The following SCML2 variants were observed in gnomAD, a reference collection of about 807,000 sequenced individuals.
SCML2 encodes the protein sex comb on midleg-like protein 2.
SCML2 carries 6 observed loss-of-function variants against 48.4 expected under a neutral mutation model. The ratio of observed to expected loss-of-function variants is 0.12; its 90% CI spans 0.07 to 0.24. The LOEUF is 0.24. Among genes scored for constraint, SCML2 ranks in the 10% least tolerant of loss-of-function variants. The pLI is 1.00. For synonymous variants in SCML2, 181 were observed against 189.5 expected, an observed-to-expected ratio of 0.95 and a Z score of 0.37; for missense variants, 377 against 528.2, an observed-to-expected ratio of 0.71 and a Z score of 2.81.
intron 7 of SCML2, among the ~76,000 whole-genome samples, chrX:18,283,822 G>T (rs182217318): frequency 5.9e-4 from 66 of 112,266 alleles, no homozygotes; most frequent in Admixed American, 1.5e-3. Context: ...CATACTCATG[G>T]ATTGGAAGAC....
chrX:18,264,806 C>T (rs1263500192), intron 8 of SCML2, among the ~76,000 whole-genome samples: 1 of 111,388 alleles, frequency 9.0e-6, no homozygotes, highest in African/African-American at 3.3e-5. Flanking sequence ...GCTTTAGCTA[C>T]ACCGGCCTGT....
chrX:18,257,947 A>G (rs1926912913), intron 10 of SCML2, 97 bp downstream of exon 10: 2 of 463,715 alleles, frequency 4.3e-6, no homozygotes, highest in Non-Finnish European at 7.2e-6. Flanking sequence ...GGGAAAGGGG[A>G]AGGGGAGAGG....
chrX:18,273,772 C>T (rs1484589490), intron 7 of SCML2, among the ~76,000 whole-genome samples: 2 of 110,861 alleles, frequency 1.8e-5, no homozygotes, highest in African/African-American at 6.6e-5. Flanking sequence ...CCACCCATGG[C>T]CCCCCTTACC....
intron 6 of SCML2, among the ~76,000 whole-genome samples, chrX:18,310,260 CTTTTTTTTTT>C (rs773391164): frequency 8.0e-5 from 5 of 62,368 alleles, no homozygotes; most frequent in Non-Finnish European, 1.1e-4. Context: ...AACCACCTCC[CTTTTTTTTTT>C]TTTTTTTTTT....
rs147741706 is a variant in SCML2, at chrX:18,246,521, A to G, written c.1822+56T>C. On this transcript the variant is annotated intron_variant, in intron 13 of 14. Transcript: ENST00000251900. The stretch of plus-strand genomic sequence containing the variant: ...ATACTCTCAGGGGATGCTGTTAGGT[A>G]TGAAAATCTCAAGGCAAAAGACAAA... 3.8e-3 allele frequency: 4,264 copies of G among 1,132,045 alleles called. 89 individuals carry two copies. In the African/African-American group the frequency reaches 0.067, roughly 18 times the overall value. The allele number at this position is 1,132,045 out of a possible 1,213,427, so 93.3% of individuals were successfully genotyped here. A position where few individuals can be genotyped will look rare whatever the true frequency, so the allele number is the denominator to read the frequency against.
At chrX:18,309,615 C>T (rs907896803) in intron 6 of SCML2, among the ~76,000 whole-genome samples, 1 of 111,880 alleles carries the variant, frequency 8.9e-6, no homozygotes, top group African/African-American at 3.3e-5. Flanking sequence ...AGGACGAGAT[C>T]ATGTCCTCTG....
rs755124447 is a variant in SCML2 at position 18,302,345 on chromosome X, CT to C, written c.730+2626del. Among the ~76,000 whole-genome samples the C allele has an allele frequency of 6.1e-3, 678 of 111,055 alleles. 5 individuals carry two copies. Among genetic ancestry groups the C allele is most frequent in the African/African-American group, 0.021 (636 of 30,568 alleles). On this transcript the variant is annotated intron_variant, in intron 7 of 14. Coordinates refer to ENST00000251900, the MANE Select transcript of SCML2 (RefSeq NM_006089.3). ...CTCTCCTGTTGCCATGGAAGCCAAC[CT>C]AGTGATCTCCTACATTTACGTATAC... is the stretch of plus-strand genomic sequence containing the variant.
chrX:18,338,019 AAAG>A (rs1485530699), intron 1 of SCML2, among the ~76,000 whole-genome samples: 1 of 112,806 alleles, frequency 8.9e-6, no homozygotes, highest in Non-Finnish European at 1.9e-5. Context: ...TGCATGGGTC[AAAG>A]AAGAAAGCTC....
At position 18,327,379 on chromosome X, in the gene SCML2, C is replaced by CA. The variant is rs1453555336; in HGVS notation, c.92-2403dup. ...GGGGGAGACTCCGTCTCAACAACAACAACAAAAAAAGAACAAAACAAAACA... is the reference window on the plus strand; with the variant it reads ...GGGGGAGACTCCGTCTCAACAACAACAAACAAAAAAAGAACAAAACAAAACA... On this transcript the variant is annotated intron_variant, in intron 3 of 14. Coordinates refer to ENST00000251900, the MANE Select transcript of SCML2 (RefSeq NM_006089.3). Among the ~76,000 whole-genome samples the CA allele has an allele frequency of 7.8e-4, 86 of 110,966 alleles. 1 individual carries two copies. The highest frequency in any genetic ancestry group is 2.6e-3 in the African/African-American group (80 of 30,500).
chrX:18,265,848 A>C, intron 7 of SCML2, 46 bp from the exon 8 acceptor site: 1 of 941,688 alleles, frequency 1.1e-6, no homozygotes, highest in Non-Finnish European at 1.5e-6. Flanking sequence ...GACACAATTA[A>C]GGCATTGTCT....
At chrX:18,281,180 A>G (rs1253855863) in intron 7 of SCML2, among the ~76,000 whole-genome samples, 3 of 70,612 alleles carry the variant, frequency 4.2e-5, no homozygotes, top group African/African-American at 4.4e-5. Flanking sequence ...CAATAAAAAT[A>G]GAAATCACTA....
At chrX:18,338,759 CA>C (rs952125316) in intron 1 of SCML2, among the ~76,000 whole-genome samples, 1 of 107,851 alleles carries the variant, frequency 9.3e-6, no homozygotes, top group African/African-American at 3.4e-5. Context: ...CAAAAAAATA[CA>C]AAAATTAGCT....
chrX:18,265,561 A>T (rs1481217306), intron 8 of SCML2, 24 bp downstream of exon 8: 2 of 1,119,694 alleles, frequency 1.8e-6, no homozygotes, highest in South Asian at 3.8e-5. Context: ...CCTATAATAC[A>T]AATTAGGAGG....
At chrX:18,249,639 T>G (rs763748163) in intron 11 of SCML2, among the ~76,000 whole-genome samples, 1 of 111,615 alleles carries the variant, frequency 9.0e-6, no homozygotes, top group South Asian at 3.8e-4. Context: ...AAGGAAAAAC[T>G]GGGTATAAGA....
chrX:18,281,530 G>A (rs1162463335), intron 7 of SCML2, among the ~76,000 whole-genome samples: 3 of 110,115 alleles, frequency 2.7e-5, no homozygotes, highest in Non-Finnish European at 5.7e-5. Context: ...TGGCCAACAT[G>A]GCAAAACCCC....
chrX:18,275,062 C>G (rs975872008), intron 7 of SCML2, among the ~76,000 whole-genome samples: 2 of 111,900 alleles, frequency 1.8e-5, no homozygotes, highest in Admixed American at 9.5e-5. Context: ...CACCTTCGAG[C>G]TGTCCCACCT....
At chrX:18,334,887 G>A (rs1439401407) in intron 1 of SCML2, among the ~76,000 whole-genome samples, 1 of 112,077 alleles carries the variant, frequency 8.9e-6, no homozygotes, top group Non-Finnish European at 1.9e-5. Flanking sequence ...ATAACTGAAG[G>A]TAATCTGGCA....
At chrX:18,340,537 T>C (rs1340644962) in intron 1 of SCML2, among the ~76,000 whole-genome samples, 1 of 112,200 alleles carries the variant, frequency 8.9e-6, no homozygotes, top group Non-Finnish European at 1.9e-5. Flanking sequence ...AGGCCGGATG[T>C]GGTGGCTCAC....
At chrX:18,287,278 C>G (rs1003691444) in intron 7 of SCML2, among the ~76,000 whole-genome samples, 4 of 111,777 alleles carry the variant, frequency 3.6e-5, no homozygotes, top group Admixed American at 1.9e-4. Context: ...AGCGCTGTTA[C>G]GTCTTTTCCA....
Sources: allele counts gnomAD v4.1 joint callset (sites outside exome capture counted in the v4.1 genomes callset), GRCh38; gene constraint gnomAD v4.1.1; transcripts MANE v1.5; gene names NCBI Gene and HGNC (gene_info 2026-07-23, HGNC 2026-07-21).